Variants in PTPRE observed in about 807,000 individuals in gnomAD.
PTPRE encodes the protein receptor-type tyrosine-protein phosphatase epsilon.
PTPRE carries 51 observed loss-of-function variants against 102.0 expected under a neutral mutation model. That is an observed-to-expected ratio of 0.50 (90% CI 0.40 to 0.63). The LOEUF is 0.63. Ranked by LOEUF, PTPRE falls within the 30% of genes least tolerant of loss-of-function variation. The pLI, the probability that PTPRE is intolerant of heterozygous loss-of-function variation, is 0.00. For missense variants in PTPRE, 752 were observed against 915.1 expected, an observed-to-expected ratio of 0.82 and a Z score of 2.30; for synonymous variants, 345 against 348.2, an observed-to-expected ratio of 0.99 and a Z score of 0.10.
At chr10:128,004,884 G>C (rs932891231) in intron 2 of PTPRE, among the ~76,000 whole-genome samples, 1 of 152,170 alleles carries the variant, frequency 6.6e-6, no homozygotes, top group Non-Finnish European at 1.5e-5. Flanking sequence ...TTCTACATCC[G>C]TGCCAACACT....
At position 128,049,556 on chromosome 10, in the gene PTPRE, AG is replaced by A; in HGVS notation, c.312del (p.Arg104SerfsTer73). On this transcript the variant is annotated frameshift_variant, in exon 6 of 21. Coordinates refer to ENST00000254667, the MANE Select transcript of PTPRE (RefSeq NM_006504.6). LOFTEE classifies it high-confidence loss of function. ...QEQQRVMLLS[R>X]SPSGPKKYFP... ...GCAGCAAAGGGTGATGCTGCTCAGC[AG>A]GTCACCCTCAGGGCCCAAGAAGTAT... is the stretch of plus-strand genomic sequence containing the variant. The A allele has an allele frequency of 6.2e-7, 1 of 1,613,978 alleles. No homozygotes were observed. The highest frequency in any genetic ancestry group is 8.5e-7 in the Non-Finnish European group (1 of 1,180,020).
At chr10:128,080,747 T>C (rs987793605) in intron 20 of PTPRE, among the ~76,000 whole-genome samples, 1 of 152,210 alleles carries the variant, frequency 6.6e-6, no homozygotes, top group Non-Finnish European at 1.5e-5. Flanking sequence ...TGTGCTCTCT[T>C]GCCTGGTAAC....
At chr10:128,052,407 G>A (rs553922722) in intron 6 of PTPRE, among the ~76,000 whole-genome samples, 101 of 152,268 alleles carry the variant, frequency 6.6e-4, no homozygotes, top group African/African-American at 2.4e-3. Context: ...TGCTGGAGTC[G>A]GCCTGAGTGT....
intron 1 of PTPRE, among the ~76,000 whole-genome samples, chr10:127,910,018 G>A (rs868738549): frequency 2.0e-5 from 3 of 152,196 alleles, no homozygotes; most frequent in Non-Finnish European, 4.4e-5. Flanking sequence ...GAACAGGATC[G>A]AAGCTGCCCC....
intron 2 of PTPRE, among the ~76,000 whole-genome samples, chr10:128,012,211 G>A (rs72847335): frequency 0.18 from 27,402 of 152,114 alleles, 2,928 homozygotes; most frequent in Non-Finnish European, 0.23. Context: ...CTCCTGTGTT[G>A]GGGCTCTTTT....
At chr10:128,062,104 C>A (rs1849654754) in intron 9 of PTPRE, among the ~76,000 whole-genome samples, 1 of 152,204 alleles carries the variant, frequency 6.6e-6, no homozygotes, top group Non-Finnish European at 1.5e-5. Context: ...TGAAAACGTG[C>A]CCTTCACCTT....
intron 1 of PTPRE, among the ~76,000 whole-genome samples, chr10:127,953,522 A>G (rs1420276652): frequency 1.3e-5 from 2 of 152,262 alleles, no homozygotes; most frequent in East Asian, 3.8e-4. Context: ...CATGCACAGC[A>G]GCACACTATG....
intron 1 of PTPRE, among the ~76,000 whole-genome samples, chr10:127,969,682 A>G (rs57414050): frequency 0.32 from 44,342 of 138,782 alleles, 7,591 homozygotes; most frequent in East Asian, 0.56. Context: ...AAAAAAAAAA[A>G]GGGGGGCGGG....
intron 1 of PTPRE, among the ~76,000 whole-genome samples, chr10:127,977,882 G>A (rs1851304232): frequency 6.6e-6 from 1 of 152,104 alleles, no homozygotes. Context: ...CTCCCTCCCT[G>A]CTTCTGTTCC....
chr10:127,930,853 C>T (rs572795488), intron 1 of PTPRE, among the ~76,000 whole-genome samples: 33 of 150,248 alleles, frequency 2.2e-4, no homozygotes, highest in East Asian at 7.8e-4. Context: ...AGTGCAGTGG[C>T]GCGATATCGG....
intron 2 of PTPRE, among the ~76,000 whole-genome samples, chr10:128,019,056 G>C (rs1845653754): frequency 6.6e-6 from 1 of 152,224 alleles, no homozygotes; most frequent in African/African-American, 2.4e-5. Flanking sequence ...ACTCTAATAG[G>C]TCATAAGCTA....
intron 3 of PTPRE, among the ~76,000 whole-genome samples, chr10:128,046,844 G>A (rs945566000): frequency 2.6e-5 from 4 of 152,194 alleles, no homozygotes; most frequent in East Asian, 3.9e-4. Flanking sequence ...GTAAGAGGCC[G>A]GTGGTGGCTG....
intron 1 of PTPRE, among the ~76,000 whole-genome samples, chr10:127,947,034 A>G (rs1848671151): frequency 1.3e-5 from 2 of 152,070 alleles, no homozygotes; most frequent in South Asian, 2.1e-4. Flanking sequence ...AAAAAAAAAA[A>G]AAGCTATATG....
chr10:127,935,591 T>A (rs1847793154), intron 1 of PTPRE, among the ~76,000 whole-genome samples: 2 of 152,216 alleles, frequency 1.3e-5, no homozygotes, highest in South Asian at 4.1e-4. Context: ...TTCATCTCCC[T>A]GGCAGGACCC....
intron 1 of PTPRE, among the ~76,000 whole-genome samples, chr10:127,976,762 G>A (rs574253359): frequency 7.9e-5 from 12 of 152,202 alleles, no homozygotes; most frequent in Non-Finnish European, 1.6e-4. Context: ...CTTCTGTCCT[G>A]TCTTTCATGC....
At chr10:127,975,782 G>C (rs1019080917) in intron 1 of PTPRE, among the ~76,000 whole-genome samples, 6 of 152,132 alleles carry the variant, frequency 3.9e-5, no homozygotes, top group Non-Finnish European at 5.9e-5. Flanking sequence ...TTCAGAGTCC[G>C]AGCCCAATTG....
intron 1 of PTPRE, among the ~76,000 whole-genome samples, chr10:127,964,326 C>T (rs991350083): frequency 2.6e-5 from 4 of 152,026 alleles, no homozygotes; most frequent in African/African-American, 7.2e-5. Flanking sequence ...CCCACCACCG[C>T]GCCCAGCTAG....
chr10:128,010,722 G>C (rs1279331736), intron 2 of PTPRE, among the ~76,000 whole-genome samples: 1 of 152,114 alleles, frequency 6.6e-6, no homozygotes, highest in South Asian at 2.1e-4. Context: ...CTCCTGAGTA[G>C]CTGGGACTAC....
intron 2 of PTPRE, among the ~76,000 whole-genome samples, chr10:128,011,651 C>T (rs750169167): frequency 2.6e-5 from 4 of 152,262 alleles, no homozygotes; most frequent in Admixed American, 6.5e-5. Flanking sequence ...AGTTATAACA[C>T]CATTTCACTA....
Sources: gnomAD v4.1 joint callset for allele counts (sites outside exome capture counted in the v4.1 genomes callset) on GRCh38, gnomAD v4.1.1 for gene constraint, MANE v1.5 for transcripts, NCBI Gene and HGNC (gene_info 2026-07-23, HGNC 2026-07-21) for gene names.